Variants in USP10 observed in about 807,000 individuals in gnomAD.
USP10 encodes ubiquitin specific peptidase 10.
A neutral mutation model predicts 84.5 loss-of-function variants in USP10; 22 were observed. The observed-to-expected ratio is 0.26, with a 90% CI of 0.19 to 0.37. USP10 has a LOEUF of 0.37. Ranked by LOEUF, USP10 falls within the 10% of genes least tolerant of loss-of-function variation. The probability of loss-of-function intolerance (pLI) is 1.00; values close to 1 mark genes in which losing one functional copy is unlikely to be tolerated. For synonymous variants in USP10, 454 were observed against 387.6 expected, an observed-to-expected ratio of 1.17 and a Z score of -2.01; for missense variants, 1,019 against 998.9, an observed-to-expected ratio of 1.02 and a Z score of -0.27.
chr16:84,704,612 A>G, intron 1 of USP10: 1 of 1,186,232 alleles, frequency 8.4e-7, no homozygotes, highest in Non-Finnish European at 1.1e-6. Context: ...AAATAAAGGT[A>G]GCCCTTGGGG....
intron 13 of USP10, among the ~76,000 whole-genome samples, chr16:84,776,630 G>A (rs112474835): frequency 0.035 from 5,302 of 152,154 alleles, 304 homozygotes; most frequent in African/African-American, 0.12. Context: ...CCTTCTCCCT[G>A]CACCTCTTCC....
At position 84,779,066 on chromosome 16, in the gene USP10, G is replaced by T. The variant is rs1228910732; in HGVS notation, c.2381G>T (p.Arg794Leu). The T allele has an allele frequency of 3.1e-6, 5 of 1,613,676 alleles. No homozygotes were observed. Among genetic ancestry groups the T allele is most frequent in the Non-Finnish European group, 3.4e-6 (4 of 1,179,658 alleles). ...ACAGCCTACCTCCTGTATTACCGCC[G>T]AGTGGACCTGCTGTAAACCCTGTGT... is the stretch of plus-strand genomic sequence containing the variant. ...ERTAYLLYYR[R>L]VDLL Residue 794 changes from arginine to leucine, a missense_variant, in exon 14 of 14, where the codon CGA (arginine) becomes CTA (leucine). Transcript: ENST00000219473.
intron 1 of USP10, among the ~76,000 whole-genome samples, chr16:84,707,243 C>T (rs1597264560): frequency 6.6e-6 from 1 of 152,144 alleles, no homozygotes; most frequent in Non-Finnish European, 1.5e-5. Flanking sequence ...GTAGTTCCTC[C>T]ATAAACATTT....
chr16:84,725,482 C>T (rs1308988905), intron 1 of USP10, among the ~76,000 whole-genome samples: 1 of 152,136 alleles, frequency 6.6e-6, no homozygotes, highest in African/African-American at 2.4e-5. Flanking sequence ...CTCACTGCAA[C>T]CTCTGCCTGC....
At chr16:84,714,225 G>A (rs1333032107) in intron 1 of USP10, among the ~76,000 whole-genome samples, 1 of 152,226 alleles carries the variant, frequency 6.6e-6, no homozygotes, top group Non-Finnish European at 1.5e-5. Flanking sequence ...GTGGGTGGCT[G>A]GCGGGAGCCA....
chr16:84,759,747 T>C, intron 6 of USP10, 144 bp from the exon 7 acceptor site: 1 of 843,644 alleles, frequency 1.2e-6, no homozygotes, highest in Non-Finnish European at 1.9e-6. Context: ...TAGAAGAGAC[T>C]TGAGTTCACT....
rs770390794 is a variant in USP10, at chr16:84,745,448, C to G, written c.967C>G (p.Pro323Ala). The G allele has an allele frequency of 6.2e-7, 1 of 1,613,662 alleles. No individual in the cohort carries two copies. Among genetic ancestry groups the G allele is most frequent in the Non-Finnish European group, 8.5e-7 (1 of 1,179,718 alleles). ...AACCAAACCCGAGAGTGCATCACCT[C>G]CTGCTGACGGCACGGGCTCTGCATC... ...DPTKPESASP[P>A]ADGTGSASGT... Residue 323 changes from proline (P) to alanine (A), a missense_variant, in exon 4 of 14, where the codon CCT becomes GCT. Around this residue, in one of 2 missense-constraint regions of USP10, gnomAD observed 787 missense variants for 708.8 expected, o/e 1.11. Coordinates refer to ENST00000219473, the MANE Select transcript of USP10 (RefSeq NM_005153.3).
intron 11 of USP10, among the ~76,000 whole-genome samples, chr16:84,769,797 T>C (rs892809615): frequency 5.3e-5 from 8 of 152,036 alleles, no homozygotes; most frequent in African/African-American, 4.8e-5. Context: ...CTTTTGCTTC[T>C]GCTGCAATTA....
rs554716774 is a variant in USP10 at position 84,733,424 on chromosome 16, T to C, written c.22-11T>C. ...TTTTATGTGATCAGTGACTCTCTTATTTTTTTTCAGTATATTTTTGGAGAT... is the reference window on the plus strand; with the variant it reads ...TTTTATGTGATCAGTGACTCTCTTACTTTTTTTCAGTATATTTTTGGAGAT... On this transcript the variant is annotated splice_polypyrimidine_tract_variant and intron_variant, in intron 1 of 13. Transcript: ENST00000219473. 2.0e-4 allele frequency: 320 copies of C among 1,574,484 alleles called. 1 individual carries two copies. In the South Asian group the frequency reaches 3.4e-3, roughly 17 times the overall value.
chr16:84,768,090 T>C (rs1597395668), intron 10 of USP10, 103 bp from the exon 11 acceptor site: 6 of 1,265,562 alleles, frequency 4.7e-6, no homozygotes, highest in Admixed American at 2.8e-5. Context: ...TTGAAAGTGA[T>C]ATTGAATAAT....
At chr16:84,778,806 A>C in intron 13 of USP10, 89 bp from the exon 14 acceptor site, 2 of 1,302,072 alleles carry the variant, frequency 1.5e-6, no homozygotes, top group Non-Finnish European at 2.1e-6. Context: ...TACACATAGG[A>C]TGCATCCCTG....
chr16:84,777,790 T>A (rs1041663877), intron 13 of USP10, among the ~76,000 whole-genome samples: 6 of 152,214 alleles, frequency 3.9e-5, no homozygotes, highest in Non-Finnish European at 8.8e-5. Flanking sequence ...CTTGTTTTAG[T>A]GCTGAAATTC....
intron 4 of USP10, among the ~76,000 whole-genome samples, chr16:84,749,687 C>T (rs575739161): frequency 3.3e-5 from 5 of 152,076 alleles, no homozygotes; most frequent in African/African-American, 1.2e-4. Context: ...ATTGTTAAGT[C>T]TGCTTAATAA....
chr16:84,750,349 G>C (rs112980413), intron 4 of USP10, among the ~76,000 whole-genome samples: 9 of 151,138 alleles, frequency 6.0e-5, no homozygotes, highest in African/African-American at 1.9e-4. Context: ...TGGAGGTTCA[G>C]TGAGCCCAGA....
chr16:84,764,382 C>G (rs1327206807), intron 10 of USP10, 119 bp downstream of exon 10: 2 of 1,329,960 alleles, frequency 1.5e-6, no homozygotes, highest in African/African-American at 2.9e-5. Context: ...TTGCATCTTG[C>G]TCCCCTGCCT....
chr16:84,749,796 C>A (rs1021273292), intron 4 of USP10, among the ~76,000 whole-genome samples: 5 of 152,006 alleles, frequency 3.3e-5, no homozygotes, highest in Admixed American at 6.6e-5. Context: ...ACATTAAACT[C>A]TTGATTACTC....
chr16:84,722,286 A>G (rs947111333), intron 1 of USP10, among the ~76,000 whole-genome samples: 1 of 152,180 alleles, frequency 6.6e-6, no homozygotes, highest in African/African-American at 2.4e-5. Flanking sequence ...CCTTTTCAGT[A>G]CTGGGTAGTA....
At chr16:84,728,857 G>A (rs926072667) in intron 1 of USP10, among the ~76,000 whole-genome samples, 2 of 151,860 alleles carry the variant, frequency 1.3e-5, no homozygotes, top group Non-Finnish European at 2.9e-5. Flanking sequence ...GGAGTGTAGT[G>A]GCACCATCTT....
chr16:84,759,228 C>T (rs991613429), intron 5 of USP10, 135 bp from the exon 6 acceptor site: 38 of 766,206 alleles, frequency 5.0e-5, no homozygotes, highest in African/African-American at 6.9e-5. Flanking sequence ...TATTCCTTTT[C>T]GTGGTGACAT....
Sources: gnomAD v4.1 joint callset for allele counts (sites outside exome capture counted in the v4.1 genomes callset) on GRCh38, gnomAD v4.1.1 for gene constraint, gnomAD v4.1.1 regional missense constraint, MANE v1.5 for transcripts, NCBI Gene and HGNC (gene_info 2026-07-23, HGNC 2026-07-21) for gene names.